Variants in ABCD2 observed in about 807,000 individuals in gnomAD.
ABCD2 encodes ATP-binding cassette sub-family D member 2.
ABCD2 carries 36 observed loss-of-function variants against 70.9 expected under a neutral mutation model. The observed-to-expected ratio is 0.51, with a 90% CI of 0.39 to 0.67. The LOEUF is 0.67. Ranked by LOEUF, ABCD2 falls within the 30% of genes least tolerant of loss-of-function variation. ABCD2 has a pLI of 0.00. For missense variants in ABCD2, 729 were observed against 890.2 expected (o/e 0.82, Z 2.30); for synonymous variants, 304 against 306.9 (o/e 0.99, Z 0.10).
chr12:39,541,636 T>C, the ABCD2 span, among the ~76,000 whole-genome samples: 2 of 152,232 alleles, frequency 1.3e-5, no homozygotes, highest in Non-Finnish European at 2.9e-5. Context: ...CACTGGCTAC[T>C]GCGACTGGAA....
In ABCD2 at chr12:39,551,161, A is replaced by C. The variant is rs1941082017; in HGVS notation, c.*2751T>G. The C allele has an allele frequency of 6.6e-6, 1 of 151,620 alleles. No individual in the cohort carries two copies. The highest frequency in any genetic ancestry group is 2.4e-5 in the African/African-American group (1 of 41,406). 9.4% of individuals were successfully genotyped at this position (151,620 alleles called of 1,614,324 possible). A position where few individuals can be genotyped will look rare whatever the true frequency, so the allele number is the denominator to read the frequency against. On this transcript the variant is annotated 3_prime_UTR_variant, in exon 10 of 10. Transcript: ENST00000308666. ...CTTACAAGAACACAAACTGTTTTAG[A>C]CTCATGCTTGGCATAACATTACATG...
intron 7 of ABCD2, among the ~76,000 whole-genome samples, chr12:39,582,179 G>C (rs1215676967): frequency 6.6e-6 from 1 of 152,068 alleles, no homozygotes; most frequent in East Asian, 1.9e-4. Context: ...TTATGTGCAA[G>C]GATATAATAG....
chr12:39,549,634 T>G (rs1316389004), downstream of ABCD2, among the ~76,000 whole-genome samples: 1 of 151,906 alleles, frequency 6.6e-6, no homozygotes, highest in Non-Finnish European at 1.5e-5. Flanking sequence ...CCTTTTTAGA[T>G]GAAAAGTGCA....
chr12:39,601,092 T>A (rs1003395113), intron 5 of ABCD2, among the ~76,000 whole-genome samples: 4 of 152,020 alleles, frequency 2.6e-5, no homozygotes, highest in African/African-American at 9.7e-5. Context: ...TGGATTAAAT[T>A]TACATTGAAT....
intron 9 of ABCD2, among the ~76,000 whole-genome samples, chr12:39,570,204 A>G (rs11172650): frequency 0.19 from 29,174 of 152,254 alleles, 2,968 homozygotes; most frequent in East Asian, 0.39. Flanking sequence ...TGGAAATGCC[A>G]ATGATAGTCT....
the ABCD2 span, among the ~76,000 whole-genome samples, chr12:39,544,865 C>A: frequency 6.6e-6 from 1 of 152,140 alleles, no homozygotes; most frequent in Non-Finnish European, 1.5e-5. Flanking sequence ...GTACTCTTAT[C>A]TACAGTTTTA....
intron 6 of ABCD2, 82 bp from the exon 7 acceptor site, chr12:39,586,379 A>G: frequency 7.1e-7 from 1 of 1,403,162 alleles, no homozygotes; most frequent in Non-Finnish European, 9.7e-7. Flanking sequence ...GTCTGAAAAC[A>G]TCAGTGAAGA....
chr12:39,562,501 G>T (rs1261480695), intron 9 of ABCD2, among the ~76,000 whole-genome samples: 1 of 151,946 alleles, frequency 6.6e-6, no homozygotes, highest in Non-Finnish European at 1.5e-5. Flanking sequence ...TTAAAAAAGA[G>T]AAATTATAAT....
At chr12:39,584,170 C>T (rs1941634578) in intron 7 of ABCD2, among the ~76,000 whole-genome samples, 1 of 152,174 alleles carries the variant, frequency 6.6e-6, no homozygotes, top group Non-Finnish European at 1.5e-5. Context: ...ACAACCTTCT[C>T]AACATCTTGT....
chr12:39,566,424 T>G (rs763363573), intron 9 of ABCD2, among the ~76,000 whole-genome samples: 4 of 152,232 alleles, frequency 2.6e-5, no homozygotes, highest in Non-Finnish European at 5.9e-5. Flanking sequence ...CATAGAAGTG[T>G]TTATAGTGTT....
At chr12:39,607,458 C>T (rs1941983822) in intron 3 of ABCD2, 141 bp downstream of exon 3, 1 of 620,952 alleles carries the variant, frequency 1.6e-6, no homozygotes, top group South Asian at 2.2e-5. Flanking sequence ...TGAATTGCTG[C>T]CCTTAATCTT....
At chr12:39,555,459 A>G (rs1941150203) in intron 9 of ABCD2, among the ~76,000 whole-genome samples, 1 of 152,218 alleles carries the variant, frequency 6.6e-6, no homozygotes, top group African/African-American at 2.4e-5. Context: ...TAAGGAAACC[A>G]GGCAAGAGTT....
At chr12:39,571,113 C>A (rs897607009) in intron 9 of ABCD2, among the ~76,000 whole-genome samples, 3 of 152,096 alleles carry the variant, frequency 2.0e-5, no homozygotes, top group Admixed American at 2.0e-4. Flanking sequence ...CTCTTACACA[C>A]CTTTGGTGGG....
the ABCD2 span, among the ~76,000 whole-genome samples, chr12:39,540,923 T>TC: frequency 1.3e-5 from 2 of 152,252 alleles, no homozygotes; most frequent in African/African-American, 2.4e-5. Flanking sequence ...GGGCACATGT[T>TC]CTCAGGACCT....
intron 9 of ABCD2, among the ~76,000 whole-genome samples, 167 bp downstream of exon 9, chr12:39,573,549 T>A (rs547674255): frequency 6.6e-6 from 1 of 152,244 alleles, no homozygotes; most frequent in East Asian, 1.9e-4. Context: ...AATACACTAA[T>A]GATATTAGGT....
intron 6 of ABCD2, among the ~76,000 whole-genome samples, chr12:39,595,483 A>G (rs1237395977): frequency 6.6e-6 from 1 of 152,212 alleles, no homozygotes; most frequent in East Asian, 1.9e-4. Flanking sequence ...AAATAAAGTT[A>G]TTATCTATAT....
chr12:39,547,334 C>A (rs1173833582), downstream of ABCD2, among the ~76,000 whole-genome samples: 1 of 152,000 alleles, frequency 6.6e-6, no homozygotes, highest in Non-Finnish European at 1.5e-5. Context: ...AGGTATATAT[C>A]CAAAAGAACT....
At chr12:39,562,750 A>G (rs1941279266) in intron 9 of ABCD2, among the ~76,000 whole-genome samples, 1 of 152,206 alleles carries the variant, frequency 6.6e-6, no homozygotes, top group Non-Finnish European at 1.5e-5. Context: ...AAGAACTAAT[A>G]TTAGTTCTCA....
At chr12:39,544,193 C>T in the ABCD2 span, among the ~76,000 whole-genome samples, 6 of 152,006 alleles carry the variant, frequency 3.9e-5, no homozygotes, top group Non-Finnish European at 8.8e-5. Flanking sequence ...ATCATAGAGT[C>T]GAAGCTATCT....
Sources: gnomAD v4.1 joint callset for allele counts (sites outside exome capture counted in the v4.1 genomes callset) on GRCh38, gnomAD v4.1.1 for gene constraint, MANE v1.5 for transcripts, NCBI Gene and HGNC (gene_info 2026-07-23, HGNC 2026-07-21) for gene names.